The following PCDHGA3 variants were observed in gnomAD, a reference collection of about 807,000 sequenced individuals.
The protein encoded by PCDHGA3 is protocadherin gamma-A3.
PCDHGA3 carries 40 observed loss-of-function variants against 58.5 expected under a neutral mutation model. That is an observed-to-expected ratio of 0.68 (90% confidence interval 0.53 to 0.89). PCDHGA3 has a LOEUF of 0.89. Ranked by LOEUF, PCDHGA3 falls within the 40% of genes least tolerant of loss-of-function variation. The pLI is 0.00. For synonymous variants in PCDHGA3, 530 were observed against 525.7 expected, an observed-to-expected ratio of 1.01 and a Z score of -0.11; for missense variants, 1,223 against 1,195.9, an observed-to-expected ratio of 1.02 and a Z score of -0.33.
rs182346627 is a variant in PCDHGA3, at chr5:141,351,840, C to T, written c.2424+5383C>T. ...GAGCAGCTGCGCGCCTTCGAGCTCA[C>T]ACTGCAGGCCAGGGACCAGGGCTCC... On this transcript the variant is annotated intron_variant, in intron 1 of 3. Coordinates refer to ENST00000253812, the MANE Select transcript of PCDHGA3 (RefSeq NM_018916.4). The T allele has an allele frequency of 2.6e-4, 415 of 1,613,240 alleles. 3 individuals are homozygous for T. In the African/African-American group the frequency reaches 4.6e-3, roughly 18 times the overall value.
chr5:141,346,126 C>T lies in PCDHGA3; in HGVS notation c.2093C>T (p.Ala698Val), dbSNP rs760517157. Reference protein sequence around the residue: ...DLTLYLVVAVAAVSCVFLAFV... With the variant: ...DLTLYLVVAVVAVSCVFLAFV... ...ACTCTGTACCTGGTGGTGGCGGTGG[C>T]CGCGGTCTCCTGCGTCTTCCTGGCC... is the stretch of plus-strand genomic sequence containing the variant. The change falls in exon 1 of 4, where the codon GCC becomes GTC. Residue 698 changes from alanine to valine, a missense_variant. Physicochemically the swap from Ala to Val is moderately conservative, Grantham distance 64 (BLOSUM62 0). Transcript: ENST00000253812. 3 of 1,613,808 alleles carry T rather than the reference C, an allele frequency of 1.9e-6. No homozygotes were observed. Among genetic ancestry groups the T allele is most frequent in the Non-Finnish European group, 1.7e-6 (2 of 1,179,908 alleles).
chr5:141,428,015 A>G, intron 1 of PCDHGA3: 5 of 1,604,042 alleles, frequency 3.1e-6, no homozygotes, highest in Non-Finnish European at 3.4e-6. Flanking sequence ...ATATAGTGCC[A>G]CGCGCCGCAG....
intron 1 of PCDHGA3, chr5:141,403,303 C>A: frequency 6.2e-7 from 1 of 1,613,820 alleles, no homozygotes; most frequent in African/African-American, 1.3e-5. Context: ...TGAAACTGTA[C>A]GGAATAGAAA....
At chr5:141,393,102 G>C (rs768432261) in intron 1 of PCDHGA3, 2 of 1,613,568 alleles carry the variant, frequency 1.2e-6, no homozygotes, top group Non-Finnish European at 1.7e-6. Context: ...GGAGCTCTGC[G>C]CTCAGAGCCC....
At position 141,485,464 on chromosome 5, in the gene PCDHGA3, G is replaced by A. The variant is rs2099614016; in HGVS notation, c.2425-9343G>A. ...CAATCGACCGAGAGGCACTGTGTGG[G>A]CTCAGTGCCAGCTGCATCGTGCCCC... is the stretch of plus-strand genomic sequence containing the variant. On this transcript the variant is annotated intron_variant, in intron 1 of 3. Coordinates refer to ENST00000253812, the MANE Select transcript of PCDHGA3 (RefSeq NM_018916.4). The surrounding 1 kb of genome is among the most constrained non-coding windows in gnomAD (Gnocchi z 5.7). 6.2e-7 allele frequency: 1 copy of A among 1,614,106 alleles called. No homozygotes were observed. The highest frequency in any genetic ancestry group is 8.5e-7 in the Non-Finnish European group (1 of 1,179,958).
chr5:141,351,482 C>T lies in PCDHGA3; in HGVS notation c.2424+5025C>T, dbSNP rs148748054. 5.0e-6 allele frequency: 8 copies of T among 1,613,870 alleles called. No individual in the cohort carries two copies. In the Admixed American group the frequency reaches 1.2e-4, roughly 24 times the overall value. On this transcript the variant is annotated intron_variant, in intron 1 of 3. Coordinates refer to ENST00000253812, the MANE Select transcript of PCDHGA3 (RefSeq NM_018916.4). ...GCTGGTGATTGCTGGAGCCCTAAACCGGGAGCAGACAGCAGACTACAACGT... is the reference window on the plus strand; with the variant it reads ...GCTGGTGATTGCTGGAGCCCTAAACTGGGAGCAGACAGCAGACTACAACGT...
intron 1 of PCDHGA3, among the ~76,000 whole-genome samples, chr5:141,488,511 G>A (rs2099676160): frequency 6.6e-6 from 1 of 152,162 alleles, no homozygotes. Context: ...CCACATTTGG[G>A]GTCTGGGGTG....
Position 141,491,730 on chromosome 5 carries a change from C to A in PCDHGA3, c.2425-3077C>A, listed in dbSNP as rs1346666614. ...GGGGCTCGGCGCCGCCCCGGGCGAC[C>A]CCTGGGGGCGGCACTGGAGAAGCCG... On this transcript the variant is annotated intron_variant, in intron 1 of 3. Coordinates refer to ENST00000253812, the MANE Select transcript of PCDHGA3 (RefSeq NM_018916.4). This position sits in a 1 kb window ranked among gnomAD's most constrained non-coding sequence, Gnocchi z 6.9. 3.1e-6 allele frequency: 5 copies of A among 1,603,920 alleles called. No individual in the cohort carries two copies. The East Asian group carries it at 6.7e-5, about 22-fold the overall frequency.
chr5:141,350,183 A>C (rs997161714), intron 1 of PCDHGA3: 3 of 1,343,602 alleles, frequency 2.2e-6, no homozygotes, highest in Non-Finnish European at 3.0e-6. Context: ...CTAAGCTCAA[A>C]TCACAGAAGT....
At chr5:141,395,375 G>A (rs761076022) in intron 1 of PCDHGA3, 34 of 1,180,184 alleles carry the variant, frequency 2.9e-5, no homozygotes, top group Non-Finnish European at 3.3e-5. Flanking sequence ...TTTTGGTGGT[G>A]TTACTATAAA....
chr5:141,461,323 T>C (rs2099013372), intron 1 of PCDHGA3, among the ~76,000 whole-genome samples: 1 of 152,176 alleles, frequency 6.6e-6, no homozygotes, highest in African/African-American at 2.4e-5. Context: ...TTTTTAATAA[T>C]GGCCATTCTT....
At position 141,432,707 on chromosome 5, in the gene PCDHGA3, G is replaced by A. The variant is rs750859951; in HGVS notation, c.2425-62100G>A. ...CCTCGTAGTGGCCGTCCAGGACCAC[G>A]GCCAGCCCCCTCTCTCCGCCACTGT... On this transcript the variant is annotated intron_variant, in intron 1 of 3. Coordinates refer to ENST00000253812, the MANE Select transcript of PCDHGA3 (RefSeq NM_018916.4). The surrounding 1 kb of genome is among the most constrained non-coding windows in gnomAD (Gnocchi z 6.0). 5 of 1,613,988 alleles carry A rather than the reference G, an allele frequency of 3.1e-6. No individual in the cohort carries two copies. Among genetic ancestry groups the A allele is most frequent in the Non-Finnish European group, 4.2e-6 (5 of 1,179,970 alleles).
intron 1 of PCDHGA3, chr5:141,415,339 C>T (rs776585248): frequency 7.4e-6 from 12 of 1,614,190 alleles, no homozygotes; most frequent in Non-Finnish European, 1.0e-5. Context: ...CAGGCTGCGG[C>T]GCTGGCACAA....
At chr5:141,466,763 C>T (rs960940073) in intron 1 of PCDHGA3, among the ~76,000 whole-genome samples, 31 of 152,272 alleles carry the variant, frequency 2.0e-4, no homozygotes, top group Middle Eastern at 6.8e-3. Context: ...TCTTTTCAAA[C>T]TGTTATCTTA....
chr5:141,392,013 G>A (rs980520094), intron 1 of PCDHGA3: 1 of 152,108 alleles, frequency 6.6e-6, no homozygotes, highest in African/African-American at 2.4e-5. Context: ...AATGGTAAAA[G>A]CATTTATCCT....
In PCDHGA3 at chr5:141,490,007, C is replaced by T. The variant is rs766407642; in HGVS notation, c.2425-4800C>T. On this transcript the variant is annotated intron_variant, in intron 1 of 3. Coordinates refer to ENST00000253812, the MANE Select transcript of PCDHGA3 (RefSeq NM_018916.4). The surrounding 1 kb of genome is among the most constrained non-coding windows in gnomAD (Gnocchi z 5.4). ...CGTGTGGGAATCCCAGAGAATGCACCCATTGGTACTCTGCTGCTCCGCCTC... is the reference window on the plus strand; with the variant it reads ...CGTGTGGGAATCCCAGAGAATGCACTCATTGGTACTCTGCTGCTCCGCCTC... 6.2e-7 allele frequency: 1 copy of T among 1,614,200 alleles called. No homozygotes were observed. The highest frequency in any genetic ancestry group is 8.5e-7 in the Non-Finnish European group (1 of 1,180,016).
At chr5:141,365,937 A>G (rs1431683352) in intron 1 of PCDHGA3, 3 of 1,614,226 alleles carry the variant, frequency 1.9e-6, no homozygotes, top group Non-Finnish European at 2.5e-6. Context: ...ACAGCCAGCG[A>G]CAGTGGGAAC....
chr5:141,428,679 TGGATGA>T (rs1231732563), intron 1 of PCDHGA3: 1 of 163,254 alleles, frequency 6.1e-6, no homozygotes, highest in Non-Finnish European at 1.3e-5. Flanking sequence ...CATTTACAAA[TGGATGA>T]GGTTTAATTT....
At chr5:141,435,665 A>C (rs1029846055) in intron 1 of PCDHGA3, among the ~76,000 whole-genome samples, 2 of 152,206 alleles carry the variant, frequency 1.3e-5, no homozygotes, top group African/African-American at 4.8e-5. Flanking sequence ...CACAGATTCC[A>C]AGTGTTTTCT....
Sources: allele counts gnomAD v4.1 joint callset (sites outside exome capture counted in the v4.1 genomes callset), GRCh38; gene constraint gnomAD v4.1.1; non-coding constraint Gnocchi (gnomAD v3.1); transcripts MANE v1.5; gene names NCBI Gene and HGNC (gene_info 2026-07-23, HGNC 2026-07-21).